The following BMPER variants were observed in gnomAD, a reference collection of about 807,000 sequenced individuals.
BMPER encodes the protein BMP-binding endothelial regulator protein.
Under a neutral mutation model 87.3 loss-of-function variants are expected in BMPER, and 45 were observed. The ratio of observed to expected loss-of-function variants is 0.52; its 90% CI spans 0.41 to 0.66. The LOEUF (loss-of-function observed/expected upper bound fraction) is 0.66. Ranked by LOEUF, BMPER falls within the 30% of genes least tolerant of loss-of-function variation. The pLI is 0.00. For synonymous variants in BMPER, 326 were observed against 316.2 expected (o/e 1.03, Z -0.33); for missense variants, 784 against 867.5 (o/e 0.90, Z 1.21).
intron 11 of BMPER, among the ~76,000 whole-genome samples, chr7:34,066,481 A>G (rs1375718133): frequency 5.9e-5 from 9 of 152,248 alleles, no homozygotes; most frequent in African/African-American, 2.2e-4. Context: ...GAAGTGGGCT[A>G]CACAAACTTC....
intron 5 of BMPER, among the ~76,000 whole-genome samples, chr7:33,972,263 T>G (rs1444458927): frequency 1.3e-5 from 2 of 152,116 alleles, no homozygotes; most frequent in Admixed American, 6.5e-5. Flanking sequence ...AACCATGGGA[T>G]CTGTCATGGA....
chr7:33,959,751 A>G (rs1019175313), intron 3 of BMPER, among the ~76,000 whole-genome samples: 2 of 152,238 alleles, frequency 1.3e-5, no homozygotes, highest in Admixed American at 1.3e-4. Context: ...TTTGTGGTTC[A>G]TAGAATGTAT....
intron 6 of BMPER, among the ~76,000 whole-genome samples, chr7:34,024,375 AAAAAAAAC>A (rs1562695090): frequency 1.3e-4 from 12 of 93,536 alleles, no homozygotes; most frequent in African/African-American, 6.2e-4. Context: ...AAAAAAAAAA[AAAAAAAAC>A]AATATATATA....
Position 34,081,642 on chromosome 7 carries a change from C to T in BMPER, c.1408+2456C>T, listed in dbSNP as rs544131996. On this transcript the variant is annotated intron_variant, in intron 12 of 14. Transcript: ENST00000649409. ...TTAGCAAATAATTTTAAAATATTTC[C>T]TTTCTACCATCTGTTCACTTCATCA... 2.0e-5 allele frequency among the ~76,000 whole-genome samples: 3 copies of T among 152,346 alleles called. No individual in the cohort carries two copies. In the East Asian group the frequency reaches 5.8e-4, roughly 29 times the overall value.
intron 3 of BMPER, among the ~76,000 whole-genome samples, chr7:33,955,007 C>T (rs1785117047): frequency 6.6e-6 from 1 of 152,192 alleles, no homozygotes; most frequent in Admixed American, 6.5e-5. Flanking sequence ...AAGCGATTCT[C>T]CTGCCTCAGC....
rs76106469 is a variant in BMPER at position 33,943,319 on chromosome 7, C to T, written c.319+5931C>T. The stretch of plus-strand genomic sequence containing the variant: ...CAGTTTGCTTTGGCCAAACTGCCCC[C>T]GCACCCCACAACATCAAAAAACAAA... On this transcript the variant is annotated intron_variant, in intron 3 of 14. Transcript: ENST00000649409. Among the ~76,000 whole-genome samples, 1,900 of 152,172 alleles carry T rather than the reference C, an allele frequency of 0.012. 70 individuals are homozygous for T. The East Asian group carries it at 0.13, about 11-fold the overall frequency.
chr7:33,920,675 T>C (rs555587854), intron 2 of BMPER, among the ~76,000 whole-genome samples: 1 of 152,060 alleles, frequency 6.6e-6, no homozygotes, highest in Admixed American at 6.6e-5. Context: ...CTGTCCACCT[T>C]GGCCCCCCCA....
rs1347518863 is a variant in BMPER, at chr7:33,918,662, A to G, written c.219+11759A>G. Reference sequence around the variant, plus strand: ...CTCTCACTTGGGAGCCGCTATGCCAAAACAGTTAAGGTCTTGCCATGGGCT... The same window carrying G: ...CTCTCACTTGGGAGCCGCTATGCCAGAACAGTTAAGGTCTTGCCATGGGCT... On this transcript the variant is annotated intron_variant, in intron 2 of 14. Transcript: ENST00000649409. Among the ~76,000 whole-genome samples the G allele has an allele frequency of 2.0e-5, 3 of 152,240 alleles. No individual in the cohort carries two copies. In the South Asian group the frequency reaches 6.2e-4, roughly 31 times the overall value.
rs557309767 is a variant in BMPER, at chr7:33,989,874, T to C, written c.576+15090T>C. ...CCAGCACCATTTATTAAATAGGGAA[T>C]CCTTTCCCCATTGCTTGTTTTTCTC... is the stretch of plus-strand genomic sequence containing the variant. On this transcript the variant is annotated intron_variant, in intron 6 of 14. Coordinates refer to ENST00000649409, the MANE Select transcript of BMPER (RefSeq NM_001365308.1). 7.5e-3 allele frequency among the ~76,000 whole-genome samples: 1,141 copies of C among 152,324 alleles called. 18 individuals are homozygous for C. Among genetic ancestry groups the C allele is most frequent in the African/African-American group, 0.026 (1,093 of 41,576 alleles).
At position 33,994,716 on chromosome 7, in the gene BMPER, G is replaced by A. The variant is rs548023138; in HGVS notation, c.576+19932G>A. 2.0e-5 allele frequency among the ~76,000 whole-genome samples: 3 copies of A among 152,266 alleles called. No homozygotes were observed. In the East Asian group the frequency reaches 5.8e-4, roughly 29 times the overall value. ...TAGGGCGTGATGATGGATTCTATGT[G>A]CCATGGGGGGATTGTTGTGAACAAA... On this transcript the variant is annotated intron_variant, in intron 6 of 14. Transcript: ENST00000649409.
intron 2 of BMPER, among the ~76,000 whole-genome samples, chr7:33,914,002 C>T (rs1046614408): frequency 6.7e-6 from 1 of 149,952 alleles, no homozygotes; most frequent in Non-Finnish European, 1.5e-5. Context: ...CGCTCAGTTG[C>T]CCAGGCTGGA....
At chr7:34,075,695 A>C (rs967952893) in intron 11 of BMPER, among the ~76,000 whole-genome samples, 1 of 152,184 alleles carries the variant, frequency 6.6e-6, no homozygotes, top group Non-Finnish European at 1.5e-5. Flanking sequence ...GTGTGACTGG[A>C]CATCTGGACG....
rs571984580 is a variant in BMPER, at chr7:34,044,019, A to G, written c.577-2287A>G. Reference sequence around the variant, plus strand: ...TGTGAGCTGCAACTGTGTTCCTAGGAAGGGCCTGGACTTTCTTTGGAGGCA... The same window carrying G: ...TGTGAGCTGCAACTGTGTTCCTAGGGAGGGCCTGGACTTTCTTTGGAGGCA... On this transcript the variant is annotated intron_variant, in intron 6 of 14. Transcript: ENST00000649409. Among the ~76,000 whole-genome samples, 6 of 152,330 alleles carry G rather than the reference A, an allele frequency of 3.9e-5. No individual in the cohort carries two copies. In the South Asian group the frequency reaches 1.2e-3, roughly 32 times the overall value.
At chr7:34,056,069 G>C (rs920031743) in intron 9 of BMPER, among the ~76,000 whole-genome samples, 7 of 152,224 alleles carry the variant, frequency 4.6e-5, no homozygotes, top group African/African-American at 1.7e-4. Flanking sequence ...CAGGCATGCT[G>C]CACTGAGCCA....
At chr7:34,061,837 A>G (rs1243753754) in intron 10 of BMPER, among the ~76,000 whole-genome samples, 165 bp from the exon 11 acceptor site, 2 of 151,960 alleles carry the variant, frequency 1.3e-5, no homozygotes, top group Admixed American at 6.6e-5. Context: ...TTGAAACTTC[A>G]TTTTCACCAT....
intron 14 of BMPER, among the ~76,000 whole-genome samples, chr7:34,148,137 T>C (rs1583483059): frequency 1.3e-5 from 2 of 152,246 alleles, no homozygotes; most frequent in Non-Finnish European, 2.9e-5. Flanking sequence ...GGATCCGCCC[T>C]TCCCTGATTA....
At chr7:34,043,579 ACTTTATCCTGGATG>A (rs1787886356) in intron 6 of BMPER, among the ~76,000 whole-genome samples, 1 of 152,114 alleles carries the variant, frequency 6.6e-6, no homozygotes, top group Admixed American at 6.5e-5. Context: ...AGTGGGTTGA[ACTTTATCCTGGATG>A]AAGTGGCAGG....
chr7:33,982,515 G>A (rs1172627651), intron 6 of BMPER, among the ~76,000 whole-genome samples: 1 of 151,380 alleles, frequency 6.6e-6, no homozygotes. Flanking sequence ...AAAAAAAAAA[G>A]TTTTCTTAAA....
intron 6 of BMPER, among the ~76,000 whole-genome samples, chr7:34,037,641 C>T (rs1046474977): frequency 6.6e-6 from 1 of 152,202 alleles, no homozygotes; most frequent in African/African-American, 2.4e-5. Flanking sequence ...TGGTGCTGGC[C>T]AGCAAGACTG....
Sources: gnomAD v4.1 joint callset for allele counts (sites outside exome capture counted in the v4.1 genomes callset) on GRCh38, gnomAD v4.1.1 for gene constraint, MANE v1.5 for transcripts, NCBI Gene and HGNC (gene_info 2026-07-23, HGNC 2026-07-21) for gene names.